The following RNASEH1 variants were observed in gnomAD, a reference collection of about 807,000 sequenced individuals.
RNASEH1 encodes ribonuclease H1.
In RNASEH1, 27 loss-of-function variants were observed where a neutral mutation model predicts 34.6. The ratio of observed to expected loss-of-function variants is 0.78; its 90% CI spans 0.58 to 1.08. RNASEH1 has a LOEUF of 1.08. Ranked by LOEUF, RNASEH1 falls within the 50% of genes least tolerant of loss-of-function variation. The pLI is 0.00. For synonymous variants in RNASEH1, 162 were observed against 138.4 expected (o/e 1.17, Z -1.20); for missense variants, 349 against 373.6 (o/e 0.93, Z 0.54).
intron 3 of RNASEH1, among the ~76,000 whole-genome samples, chr2:3,551,808 T>G (rs902586226): frequency 6.6e-6 from 1 of 152,176 alleles, no homozygotes; most frequent in Non-Finnish European, 1.5e-5. Flanking sequence ...GCTAATCAAT[T>G]ATAACAAGCA....
rs917348246 is a variant in RNASEH1, at chr2:3,543,619, C to CT, written c.*2165dup. Among the ~76,000 whole-genome samples, 108 of 146,268 alleles carry CT rather than the reference C, an allele frequency of 7.4e-4. No homozygotes were observed. The highest frequency in any genetic ancestry group is 3.7e-3 in the South Asian group (17 of 4,576). On this transcript the variant is annotated 3_prime_UTR_variant, in exon 8 of 8. Coordinates refer to ENST00000315212, the MANE Select transcript of RNASEH1 (RefSeq NM_002936.6). ...CCAAGTATGCTTAACTCCACAAATT[C>CT]TTTTTTTTTTTTAAGACAAGGACTT...
chr2:3,557,538 T>C (rs758564423), intron 1 of RNASEH1: 2 of 233,470 alleles, frequency 8.6e-6, no homozygotes, highest in South Asian at 4.6e-5. Context: ...GTAACGAACT[T>C]TGGTATCTTG....
At chr2:3,551,501 AC>A (rs1210301926) in intron 3 of RNASEH1, among the ~76,000 whole-genome samples, 3 of 152,260 alleles carry the variant, frequency 2.0e-5, no homozygotes, top group Non-Finnish European at 4.4e-5. Flanking sequence ...ATCTTTTTTT[AC>A]GTAACTGCAA....
In RNASEH1 at chr2:3,548,725, C is replaced by G. The variant is rs769103541; in HGVS notation, c.565-1G>C. 6.2e-7 allele frequency: 1 copy of G among 1,609,864 alleles called. No individual in the cohort carries two copies. Among genetic ancestry groups the G allele is most frequent in the African/African-American group, 1.3e-5 (1 of 74,960 alleles). On this transcript the variant is annotated splice_acceptor_variant, in intron 5 of 7. Transcript: ENST00000315212. LOFTEE classifies it high-confidence loss of function. ...CTTGTTCAATGGCTTTGCAGGCTGC[C>G]TTGAAAAGACAAGTCGATAGTCATG...
the RNASEH1 span, chr2:3,533,767 A>G: frequency 2.6e-5 from 4 of 152,336 alleles, no homozygotes; most frequent in Non-Finnish European, 4.4e-5. Flanking sequence ...CCCTGTTCAC[A>G]GCAGCATTCT....
At chr2:3,557,234 G>C (rs367756668) in intron 1 of RNASEH1, among the ~76,000 whole-genome samples, 44 of 151,844 alleles carry the variant, frequency 2.9e-4, no homozygotes, top group South Asian at 1.5e-3. Context: ...AAATATTTTT[G>C]ATCTATGGTT....
intron 2 of RNASEH1, among the ~76,000 whole-genome samples, chr2:3,555,082 T>G (rs1270150775): frequency 6.6e-6 from 1 of 152,172 alleles, no homozygotes; most frequent in Non-Finnish European, 1.5e-5. Flanking sequence ...GTTGAAGACT[T>G]ATAGGAGGAG....
chr2:3,537,765 C>T (rs991144601), downstream of RNASEH1, among the ~76,000 whole-genome samples: 2 of 151,984 alleles, frequency 1.3e-5, no homozygotes, highest in East Asian at 1.9e-4. Flanking sequence ...TGGCTGGGCA[C>T]GGTGGCTCAT....
the RNASEH1 span, chr2:3,534,320 G>C: frequency 5.4e-3 from 824 of 151,750 alleles, 11 homozygotes; most frequent in South Asian, 8.7e-3. Context: ...TTGCTGAGCA[G>C]TGGAGGAGAA....
At position 3,558,273 on chromosome 2, in the gene RNASEH1, G is replaced by T. The variant is rs542217713; in HGVS notation, c.-13C>A. 1 of 1,548,150 alleles carries T rather than the reference G, an allele frequency of 6.5e-7. No homozygotes were observed. Among genetic ancestry groups the T allele is most frequent in the Non-Finnish European group, 8.7e-7 (1 of 1,151,388 alleles). On this transcript the variant is annotated 5_prime_UTR_variant, in exon 1 of 8. Transcript: ENST00000315212. Reference sequence around the variant, plus strand: ...GAAGCCAGCTCATCGCTCACTCCCGGCACCGGGAAGCATTTCGACTCCCGG... The same window carrying T: ...GAAGCCAGCTCATCGCTCACTCCCGTCACCGGGAAGCATTTCGACTCCCGG...
rs1298276716 is a variant in RNASEH1, at chr2:3,542,984, C to T, written c.*2801G>A. Reference sequence around the variant, plus strand: ...TCTGAAATACCATCTCTACCAGAGACTCTGGGAAAAATAATGGATTCCAAG... The same window carrying T: ...TCTGAAATACCATCTCTACCAGAGATTCTGGGAAAAATAATGGATTCCAAG... On this transcript the variant is annotated 3_prime_UTR_variant, in exon 8 of 8. Coordinates refer to ENST00000315212, the MANE Select transcript of RNASEH1 (RefSeq NM_002936.6). Among the ~76,000 whole-genome samples, 2 of 152,202 alleles carry T rather than the reference C, an allele frequency of 1.3e-5. No individual in the cohort carries two copies. The highest frequency in any genetic ancestry group is 2.9e-5 in the Non-Finnish European group (2 of 68,036).
At chr2:3,554,837 G>C (rs1660328239) in intron 2 of RNASEH1, among the ~76,000 whole-genome samples, 1 of 151,744 alleles carries the variant, frequency 6.6e-6, no homozygotes, top group Non-Finnish European at 1.5e-5. Context: ...TTTCAAACCT[G>C]CTTTCTGTCT....
At chr2:3,532,434 G>C in the RNASEH1 span, 7 of 689,620 alleles carry the variant, frequency 1.0e-5, no homozygotes, top group African/African-American at 1.1e-4. Flanking sequence ...GAACTCCCAA[G>C]GGGCCCCGTT....
chr2:3,550,977 G>A (rs6730125), intron 3 of RNASEH1, among the ~76,000 whole-genome samples: 14,099 of 152,270 alleles, frequency 0.093, 728 homozygotes, highest in Middle Eastern at 0.16. Context: ...TCTAGATAGA[G>A]GGTATGATTG....
intron 3 of RNASEH1, among the ~76,000 whole-genome samples, chr2:3,550,993 C>T (rs1212424963): frequency 6.6e-6 from 1 of 152,226 alleles, no homozygotes; most frequent in African/African-American, 2.4e-5. Context: ...GATTGACACA[C>T]AAAGGCTGTA....
Position 3,542,572 on chromosome 2 carries a change from T to C in RNASEH1, c.*3213A>G, listed in dbSNP as rs1668391530. 6.6e-6 allele frequency among the ~76,000 whole-genome samples: 1 copy of C among 152,080 alleles called. No individual in the cohort carries two copies. The highest frequency in any genetic ancestry group is 2.1e-4 in the South Asian group (1 of 4,820). On this transcript the variant is annotated 3_prime_UTR_variant, in exon 8 of 8. Coordinates refer to ENST00000315212, the MANE Select transcript of RNASEH1 (RefSeq NM_002936.6). Reference sequence around the variant, plus strand: ...TGAGACCTGAACACACAGAAATGAGTCAATGGTGGTAAAAAGGAGCAATTT... The same window carrying C: ...TGAGACCTGAACACACAGAAATGAGCCAATGGTGGTAAAAAGGAGCAATTT...
the RNASEH1 span, chr2:3,532,144 T>G: frequency 1.5e-6 from 1 of 651,792 alleles, no homozygotes; most frequent in African/African-American, 1.8e-5. Flanking sequence ...GGAAAGTCCG[T>G]GTGTCTTCCG....
chr2:3,545,727 G>T lies in RNASEH1; in HGVS notation c.*58C>A. The T allele has an allele frequency of 1.7e-6, 2 of 1,172,728 alleles. No homozygotes were observed. The highest frequency in any genetic ancestry group is 2.6e-6 in the Non-Finnish European group (2 of 777,004). 72.6% of individuals were successfully genotyped at this position (1,172,728 alleles called of 1,614,324 possible). A position where few individuals can be genotyped will look rare whatever the true frequency, so the allele number is the denominator to read the frequency against. ...TGCAGGCTATTTTCCACACCAGTAAGTACAGGCAGCAAGACAGCCGCTGGC... is the reference window on the plus strand; with the variant it reads ...TGCAGGCTATTTTCCACACCAGTAATTACAGGCAGCAAGACAGCCGCTGGC... On this transcript the variant is annotated 3_prime_UTR_variant, in exon 8 of 8. Transcript: ENST00000315212.
downstream of RNASEH1, among the ~76,000 whole-genome samples, chr2:3,537,286 T>C (rs1345482558): frequency 6.6e-6 from 1 of 152,216 alleles, no homozygotes; most frequent in Non-Finnish European, 1.5e-5. Context: ...TAAGCATGTG[T>C]CCACCTGGCC....
Sources: gnomAD v4.1 joint callset for allele counts (sites outside exome capture counted in the v4.1 genomes callset) on GRCh38, gnomAD v4.1.1 for gene constraint, MANE v1.5 for transcripts, NCBI Gene and HGNC (gene_info 2026-07-23, HGNC 2026-07-21) for gene names.